The following SLCO5A1 variants were observed in gnomAD, a reference collection of about 807,000 sequenced individuals.
SLCO5A1 encodes the protein organic anion transporter polypeptide-related protein 4.
A neutral mutation model predicts 65.1 loss-of-function variants in SLCO5A1; 39 were observed. The observed-to-expected ratio is 0.60, with a 90% confidence interval of 0.46 to 0.78. The LOEUF (loss-of-function observed/expected upper bound fraction) is 0.78. Ranked by LOEUF, SLCO5A1 falls within the 30% of genes least tolerant of loss-of-function variation. The pLI, the probability that SLCO5A1 is intolerant of heterozygous loss-of-function variation, is 0.00. For missense variants in SLCO5A1, 1,029 were observed against 1,069.4 expected, an observed-to-expected ratio of 0.96 and a Z score of 0.53; for synonymous variants, 438 against 415.7, an observed-to-expected ratio of 1.05 and a Z score of -0.65.
intron 2 of SLCO5A1, among the ~76,000 whole-genome samples, chr8:69,784,454 T>C (rs1818924434): frequency 1.3e-5 from 2 of 152,120 alleles, no homozygotes; most frequent in South Asian, 4.1e-4. Flanking sequence ...TGCATAAAAG[T>C]ACAGCCATGA....
chr8:69,740,693 G>C (rs1586746060), intron 4 of SLCO5A1, among the ~76,000 whole-genome samples: 1 of 152,092 alleles, frequency 6.6e-6, no homozygotes. Context: ...TTTACAACTG[G>C]AGCAGAGATA....
chr8:69,796,062 G>A (rs1361585906), intron 2 of SLCO5A1, among the ~76,000 whole-genome samples: 1 of 152,226 alleles, frequency 6.6e-6, no homozygotes, highest in East Asian at 1.9e-4. Context: ...GGGGCCCTGG[G>A]TCTGGCCCAT....
chr8:69,783,497 GAATTTTAATTTTA>G (rs1390811147), intron 2 of SLCO5A1, among the ~76,000 whole-genome samples: 2 of 151,194 alleles, frequency 1.3e-5, no homozygotes, highest in Admixed American at 6.6e-5. Flanking sequence ...TAAAAATTTT[GAATTTTAATTTTA>G]AATTTTAATT....
intron 5 of SLCO5A1, 31 bp downstream of exon 5, chr8:69,738,009 T>C: frequency 1.3e-6 from 2 of 1,595,954 alleles, no homozygotes; most frequent in Non-Finnish European, 1.7e-6. Context: ...AATGATCATG[T>C]TTTCAAGCAG....
At chr8:69,769,683 T>C (rs1043877880) in intron 2 of SLCO5A1, among the ~76,000 whole-genome samples, 1 of 152,220 alleles carries the variant, frequency 6.6e-6, no homozygotes, top group Non-Finnish European at 1.5e-5. Flanking sequence ...TTATCTCTTC[T>C]GGATTCATTA....
intron 5 of SLCO5A1, among the ~76,000 whole-genome samples, chr8:69,710,271 G>C (rs1262322771): frequency 1.3e-5 from 2 of 151,990 alleles, no homozygotes; most frequent in East Asian, 3.9e-4. Context: ...CACCCACCTC[G>C]TCCTTCCAAA....
At chr8:69,830,381 T>TG (rs1455978019) in intron 2 of SLCO5A1, among the ~76,000 whole-genome samples, 13 of 152,144 alleles carry the variant, frequency 8.5e-5, no homozygotes, top group Admixed American at 2.6e-4. Context: ...TTTTAAGAGA[T>TG]GGGGTCTCAC....
intron 9 of SLCO5A1, among the ~76,000 whole-genome samples, chr8:69,674,760 T>A (rs1253338627): frequency 6.6e-6 from 1 of 151,336 alleles, no homozygotes; most frequent in Non-Finnish European, 1.5e-5. Context: ...GTGGCTCACA[T>A]CTGTAATCCC....
At chr8:69,783,186 CT>C (rs1262761894) in intron 2 of SLCO5A1, among the ~76,000 whole-genome samples, 150 of 152,106 alleles carry the variant, frequency 9.9e-4, no homozygotes, top group African/African-American at 3.4e-3. Context: ...CCTTGCCAGA[CT>C]TTAAAATGTC....
chr8:69,817,729 T>C (rs746570932), intron 2 of SLCO5A1, among the ~76,000 whole-genome samples: 1 of 152,130 alleles, frequency 6.6e-6, no homozygotes, highest in Non-Finnish European at 1.5e-5. Flanking sequence ...TATGCCCCCT[T>C]CTCCGTATGA....
intron 2 of SLCO5A1, among the ~76,000 whole-genome samples, chr8:69,831,045 G>A (rs1389669942): frequency 3.3e-5 from 5 of 152,094 alleles, no homozygotes; most frequent in African/African-American, 1.2e-4. Flanking sequence ...GACCAAGGAG[G>A]GTGGATCACC....
At chr8:69,680,711 T>C (rs1200203205) in intron 7 of SLCO5A1, among the ~76,000 whole-genome samples, 1 of 152,226 alleles carries the variant, frequency 6.6e-6, no homozygotes, top group Non-Finnish European at 1.5e-5. Flanking sequence ...CCAAACTGCT[T>C]TCCACGGTGT....
chr8:69,722,335 A>C (rs770542275), intron 5 of SLCO5A1, among the ~76,000 whole-genome samples: 34 of 152,318 alleles, frequency 2.2e-4, no homozygotes, highest in South Asian at 4.1e-4. Context: ...TTAATTGATC[A>C]ATACAACAGC....
intron 4 of SLCO5A1, among the ~76,000 whole-genome samples, chr8:69,746,757 T>G (rs747899835): frequency 6.6e-6 from 1 of 152,174 alleles, no homozygotes; most frequent in Non-Finnish European, 1.5e-5. Flanking sequence ...ATATTAATCA[T>G]GTTTATAAAT....
chr8:69,691,977 G>A (rs1043758596), intron 6 of SLCO5A1, among the ~76,000 whole-genome samples: 5 of 152,188 alleles, frequency 3.3e-5, no homozygotes, highest in East Asian at 1.9e-4. Flanking sequence ...GGCCGGACGC[G>A]GTGGCTCACG....
Position 69,785,302 on chromosome 8 carries a change from A to G in SLCO5A1, c.908-23427T>C, listed in dbSNP as rs115839216. On this transcript the variant is annotated intron_variant, in intron 2 of 9. Transcript: ENST00000260126. ...TGGAAACATTATCATGATAGTAGTG[A>G]TAAATATAGGACTATAGATATTTGT... 2.9e-3 allele frequency among the ~76,000 whole-genome samples: 443 copies of G among 152,354 alleles called. 3 individuals are homozygous for G. The highest frequency in any genetic ancestry group is 0.01 in the African/African-American group (417 of 41,578).
At chr8:69,746,660 T>A (rs1817042932) in intron 4 of SLCO5A1, among the ~76,000 whole-genome samples, 1 of 152,134 alleles carries the variant, frequency 6.6e-6, no homozygotes, top group African/African-American at 2.4e-5. Flanking sequence ...AGTGGTGTAA[T>A]AAAGAAAGGC....
intron 2 of SLCO5A1, among the ~76,000 whole-genome samples, chr8:69,766,389 C>A (rs951895153): frequency 1.3e-5 from 2 of 152,200 alleles, no homozygotes; most frequent in Admixed American, 6.5e-5. Context: ...CTCCCCACTT[C>A]ATCTCTCATC....
intron 2 of SLCO5A1, chr8:69,772,994 C>T (rs894830304): frequency 2.0e-5 from 20 of 983,390 alleles, no homozygotes; most frequent in South Asian, 9.4e-5. Context: ...AGGAATGATA[C>T]GTTATAATTA....
Sources: allele counts gnomAD v4.1 joint callset (sites outside exome capture counted in the v4.1 genomes callset), GRCh38; gene constraint gnomAD v4.1.1; transcripts MANE v1.5; gene names NCBI Gene and HGNC (gene_info 2026-07-23, HGNC 2026-07-21).